Variants in SETD3 observed in about 807,000 individuals in gnomAD.
SETD3 encodes the protein SET domain containing 3, actin N3(tau)-histidine methyltransferase.
SETD3 carries 19 observed loss-of-function variants against 63.0 expected under a neutral mutation model. The observed-to-expected ratio is 0.30, with a 90% CI of 0.21 to 0.44. SETD3 has a LOEUF of 0.44. Among genes scored for constraint, SETD3 ranks in the 20% least tolerant of loss-of-function variants. The pLI, the probability that SETD3 is intolerant of heterozygous loss-of-function variation, is 1.00. For missense variants in SETD3, 587 were observed against 728.5 expected (o/e 0.81, Z 2.24); for synonymous variants, 286 against 264.1 (o/e 1.08, Z -0.80).
intron 4 of SETD3, 115 bp from the exon 5 acceptor site, chr14:99,459,300 C>T (rs1894939831): frequency 1.7e-6 from 1 of 592,486 alleles, no homozygotes. Context: ...GGCTGCATAT[C>T]AGCACTTCAA....
At chr14:99,449,542 C>T (rs566583954) in intron 6 of SETD3, among the ~76,000 whole-genome samples, 3 of 152,234 alleles carry the variant, frequency 2.0e-5, no homozygotes, top group East Asian at 1.9e-4. Flanking sequence ...ACAAAGTAAC[C>T]GGTCAGGCCA....
intron 3 of SETD3, among the ~76,000 whole-genome samples, chr14:99,463,019 C>T (rs1281704933): frequency 6.6e-6 from 1 of 152,134 alleles, no homozygotes; most frequent in African/African-American, 2.4e-5. Context: ...ATTACAATGG[C>T]GACTGCATAC....
intron 6 of SETD3, among the ~76,000 whole-genome samples, chr14:99,450,968 C>A (rs1435732949): frequency 6.6e-6 from 1 of 152,166 alleles, no homozygotes; most frequent in Non-Finnish European, 1.5e-5. Flanking sequence ...CAGCACTGGG[C>A]CCATTACATG....
At chr14:99,399,405 A>G (rs1891259072) in intron 12 of SETD3, among the ~76,000 whole-genome samples, 1 of 151,944 alleles carries the variant, frequency 6.6e-6, no homozygotes, top group Non-Finnish European at 1.5e-5. Flanking sequence ...CTGCCAGGGA[A>G]CTTCACTGAT....
At position 99,427,220 on chromosome 14, in the gene SETD3, C is replaced by T. The variant is rs116025396; in HGVS notation, c.676-13286G>A. On this transcript the variant is annotated intron_variant, in intron 6 of 12. Coordinates refer to ENST00000331768, the MANE Select transcript of SETD3 (RefSeq NM_032233.3). ...ACATGATGCTGACAAGGAAAACATA[C>T]CTTTGTATTACGAAACAGACAACTT... is the stretch of plus-strand genomic sequence containing the variant. Among the ~76,000 whole-genome samples the T allele has an allele frequency of 8.8e-3, 1,338 of 152,302 alleles. 24 individuals carry two copies. The highest frequency in any genetic ancestry group is 0.031 in the African/African-American group (1,279 of 41,558).
intron 8 of SETD3, among the ~76,000 whole-genome samples, chr14:99,410,592 A>G (rs970524447): frequency 7.9e-5 from 12 of 152,210 alleles, no homozygotes; most frequent in South Asian, 2.1e-4. Context: ...TGCTGCTTAC[A>G]TTAAGTTTGA....
In SETD3 at chr14:99,439,639, A is replaced by T. The variant is rs535450780; in HGVS notation, c.675+18640T>A. Among the ~76,000 whole-genome samples, 10 of 147,902 alleles carry T rather than the reference A, an allele frequency of 6.8e-5. No homozygotes were observed. The South Asian group carries it at 2.1e-3, about 31-fold the overall frequency. On this transcript the variant is annotated intron_variant, in intron 6 of 12. Transcript: ENST00000331768. ...TATATAAACATATTTATATTTTTAT[A>T]TATACATATATAAATATGTAAGTAT... is the stretch of plus-strand genomic sequence containing the variant.
intron 1 of SETD3, among the ~76,000 whole-genome samples, chr14:99,474,405 C>A (rs951031004): frequency 6.6e-6 from 1 of 152,016 alleles, no homozygotes; most frequent in African/African-American, 2.4e-5. Flanking sequence ...GGCAAGCAGG[C>A]AGGGAAGAAG....
intron 6 of SETD3, among the ~76,000 whole-genome samples, chr14:99,433,200 T>G (rs1340165073): frequency 6.6e-6 from 1 of 152,114 alleles, no homozygotes; most frequent in Non-Finnish European, 1.5e-5. Flanking sequence ...GTGGTGATGG[T>G]TACACAACAT....
intron 6 of SETD3, among the ~76,000 whole-genome samples, chr14:99,451,300 T>G (rs970000942): frequency 4.6e-5 from 7 of 152,182 alleles, no homozygotes; most frequent in African/African-American, 1.7e-4. Context: ...AGTTCGGCCT[T>G]CCACCATGAG....
In SETD3 at chr14:99,398,482, A is replaced by C; in HGVS notation, c.*197T>G. ...TTTGTTAATTGGTTTGTTTTGCCTA[A>C]AAGCAAGATGGCAATCTTAATCAAA... On this transcript the variant is annotated 3_prime_UTR_variant, in exon 13 of 13. Coordinates refer to ENST00000331768, the MANE Select transcript of SETD3 (RefSeq NM_032233.3). 1.7e-6 allele frequency: 1 copy of C among 593,788 alleles called. No individual in the cohort carries two copies. The highest frequency in any genetic ancestry group is 2.8e-5 in the East Asian group (1 of 35,094). The allele number at this position is 593,788 out of a possible 1,614,324, so 36.8% of individuals were successfully genotyped here. A position where few individuals can be genotyped will look rare whatever the true frequency, so the allele number is the denominator to read the frequency against.
intron 11 of SETD3, among the ~76,000 whole-genome samples, chr14:99,401,161 C>T (rs111815689): frequency 0.04 from 6,109 of 151,672 alleles, 399 homozygotes; most frequent in African/African-American, 0.14. Flanking sequence ...AAAAAATTCT[C>T]AGTTAATGAA....
chr14:99,459,520 CT>C (rs1218668619), intron 4 of SETD3, among the ~76,000 whole-genome samples: 1 of 152,142 alleles, frequency 6.6e-6, no homozygotes, highest in African/African-American at 2.4e-5. Context: ...CTTTACTGTA[CT>C]TTTAAGTTCT....
At chr14:99,457,395 A>C (rs1302276913) in intron 6 of SETD3, among the ~76,000 whole-genome samples, 2 of 152,224 alleles carry the variant, frequency 1.3e-5, no homozygotes, top group African/African-American at 4.8e-5. Flanking sequence ...ACAAAGTGAA[A>C]ATAATAAACG....
intron 6 of SETD3, among the ~76,000 whole-genome samples, chr14:99,429,686 G>C (rs1008238809): frequency 1.3e-5 from 2 of 152,096 alleles, no homozygotes; most frequent in South Asian, 4.1e-4. Flanking sequence ...TGAAACATGT[G>C]CTCTGTACTC....
intron 6 of SETD3, among the ~76,000 whole-genome samples, chr14:99,431,089 AACCAGAAAGT>A (rs1257954094): frequency 6.6e-6 from 1 of 152,252 alleles, no homozygotes; most frequent in African/African-American, 2.4e-5. Context: ...CAGGTCATCC[AACCAGAAAGT>A]ACAGGAGATT....
At chr14:99,457,727 G>A (rs912378519) in intron 6 of SETD3, among the ~76,000 whole-genome samples, 15 of 152,162 alleles carry the variant, frequency 9.9e-5, no homozygotes, top group African/African-American at 3.6e-4. Context: ...GATAACGGTG[G>A]CCACACCACC....
At chr14:99,483,097 G>A (rs553071379), upstream of SETD3, among the ~76,000 whole-genome samples, 2 of 152,268 alleles carry the variant, frequency 1.3e-5, no homozygotes, top group South Asian at 4.1e-4. Context: ...ACTAGAATCT[G>A]GTAAATGTCT....
chr14:99,456,162 G>GA (rs889512159), intron 6 of SETD3, among the ~76,000 whole-genome samples: 7 of 151,116 alleles, frequency 4.6e-5, no homozygotes, highest in African/African-American at 9.7e-5. Context: ...CTCACAAAAG[G>GA]AAAAAAAAGT....
Sources: allele counts gnomAD v4.1 joint callset (sites outside exome capture counted in the v4.1 genomes callset), GRCh38; gene constraint gnomAD v4.1.1; transcripts MANE v1.5; gene names NCBI Gene and HGNC (gene_info 2026-07-23, HGNC 2026-07-21).